Variants in PCDH15 observed in about 807,000 individuals in gnomAD.
PCDH15 encodes the protein protocadherin-15.
Under a neutral mutation model 178.5 loss-of-function variants are expected in PCDH15, and 129 were observed. The observed-to-expected ratio is 0.72, with a 90% CI of 0.63 to 0.84. PCDH15 has a LOEUF of 0.84. Among genes scored for constraint, PCDH15 ranks in the 40% least tolerant of loss-of-function variants. The pLI is 0.00. For missense variants in PCDH15, 2,230 were observed against 2,099.9 expected, an observed-to-expected ratio of 1.06 and a Z score of -1.21; for synonymous variants, 800 against 732.0, an observed-to-expected ratio of 1.09 and a Z score of -1.50.
chr10:55,540,640 A>C (rs1194672380), intron 2 of PCDH15, among the ~76,000 whole-genome samples: 4 of 152,116 alleles, frequency 2.6e-5, no homozygotes, highest in African/African-American at 9.7e-5. Flanking sequence ...GTTTCTAAGG[A>C]AATGTTATGT....
chr10:54,538,456 T>G (rs2084820441), intron 2 of PCDH15, among the ~76,000 whole-genome samples: 1 of 152,214 alleles, frequency 6.6e-6, no homozygotes, highest in South Asian at 2.1e-4. Context: ...TCTTTTCTGT[T>G]TCATTGGTCT....
chr10:54,562,868 A>G (rs190809462), intron 2 of PCDH15, among the ~76,000 whole-genome samples: 97 of 152,278 alleles, frequency 6.4e-4, no homozygotes, highest in African/African-American at 2.2e-3. Flanking sequence ...AGTTAGGTCA[A>G]TATTATACCC....
At chr10:54,167,865 G>A (rs1590914177) in intron 13 of PCDH15, among the ~76,000 whole-genome samples, 1 of 54,802 alleles carries the variant, frequency 1.8e-5, no homozygotes, top group African/African-American at 7.8e-5. Context: ...CCTTATTTCT[G>A]TGCCCCATCC....
chr10:54,309,961 T>C (rs755040122), intron 8 of PCDH15, among the ~76,000 whole-genome samples: 3 of 152,056 alleles, frequency 2.0e-5, no homozygotes, highest in Non-Finnish European at 2.9e-5. Context: ...TAGGAATAAA[T>C]GGGATCACAA....
intron 1 of PCDH15, among the ~76,000 whole-genome samples, chr10:55,215,650 C>T (rs906267039): frequency 6.6e-6 from 1 of 151,994 alleles, no homozygotes; most frequent in African/African-American, 2.4e-5. Context: ...TGTATGTATA[C>T]TACTCAATGG....
chr10:54,474,583 TAGAC>T (rs1243283727), intron 3 of PCDH15, among the ~76,000 whole-genome samples: 3 of 151,968 alleles, frequency 2.0e-5, no homozygotes, highest in Non-Finnish European at 1.5e-5. Context: ...TGCTGATAAA[TAGAC>T]AGAGATCTAA....
At chr10:54,456,556 C>A (rs912295610) in intron 3 of PCDH15, among the ~76,000 whole-genome samples, 3 of 152,122 alleles carry the variant, frequency 2.0e-5, no homozygotes, top group African/African-American at 7.2e-5. Flanking sequence ...CTTGCCTTGT[C>A]TCAGATGAGA....
intron 2 of PCDH15, among the ~76,000 whole-genome samples, chr10:54,586,057 G>T (rs1244513358): frequency 2.6e-5 from 4 of 152,044 alleles, no homozygotes; most frequent in African/African-American, 9.7e-5. Flanking sequence ...TTTCCTTTAA[G>T]ATTAATTTTC....
chr10:55,479,985 T>A (rs1012599837), intron 2 of PCDH15, among the ~76,000 whole-genome samples: 47 of 151,076 alleles, frequency 3.1e-4, no homozygotes, highest in African/African-American at 1.1e-3. Flanking sequence ...TTATTCAGGC[T>A]CTTTTTTGGT....
chr10:55,183,662 A>G (rs1839713732), intron 1 of PCDH15, among the ~76,000 whole-genome samples: 1 of 108,230 alleles, frequency 9.2e-6, no homozygotes, highest in Non-Finnish European at 1.8e-5. Context: ...GGCGGGGGTA[A>G]CAACATTAAA....
upstream of PCDH15, among the ~76,000 whole-genome samples, chr10:55,324,195 C>A (rs1843974896): frequency 6.6e-6 from 1 of 152,100 alleles, no homozygotes; most frequent in Admixed American, 6.5e-5. Flanking sequence ...TTACAAGTTA[C>A]CCAGTCCCAG....
intron 2 of PCDH15, among the ~76,000 whole-genome samples, chr10:54,533,672 A>G (rs565878205): frequency 6.6e-6 from 1 of 152,260 alleles, no homozygotes; most frequent in South Asian, 2.1e-4. Flanking sequence ...TTTTTAAGCT[A>G]TTTCCTTACA....
chr10:54,146,110 A>T (rs2043879749), intron 14 of PCDH15, among the ~76,000 whole-genome samples: 1 of 151,512 alleles, frequency 6.6e-6, no homozygotes, highest in Non-Finnish European at 1.5e-5. Context: ...GACAATTTTT[A>T]TAAAAATAAA....
chr10:54,352,397 CACCCTAGAGG>C, intron 5 of PCDH15, among the ~76,000 whole-genome samples: 1 of 152,052 alleles, frequency 6.6e-6, no homozygotes. Context: ...CAAAAAGAGC[CACCCTAGAGG>C]AAAAATTTAA....
chr10:53,865,811 C>T (rs1297696781), intron 27 of PCDH15, among the ~76,000 whole-genome samples: 2 of 152,040 alleles, frequency 1.3e-5, no homozygotes, highest in Non-Finnish European at 2.9e-5. Flanking sequence ...ATGAGAAGAA[C>T]TGCGAAAAAA....
chr10:53,943,216 C>T (rs528015089), intron 23 of PCDH15, among the ~76,000 whole-genome samples: 4 of 152,088 alleles, frequency 2.6e-5, no homozygotes, highest in African/African-American at 7.2e-5. Flanking sequence ...GGGCCGGGCG[C>T]GGTGGCTCAC....
chr10:54,377,881 T>A (rs540095852), intron 4 of PCDH15, among the ~76,000 whole-genome samples: 2 of 152,230 alleles, frequency 1.3e-5, no homozygotes, highest in South Asian at 4.1e-4. Flanking sequence ...AATTTTTTTT[T>A]AATTTTTCCA....
intron 2 of PCDH15, among the ~76,000 whole-genome samples, chr10:54,624,615 G>T (rs1218871870): frequency 1.3e-5 from 2 of 152,208 alleles, no homozygotes; most frequent in Non-Finnish European, 2.9e-5. Flanking sequence ...TGGGTCTGTG[G>T]CCCGTTAGGA....
chr10:53,851,384 C>T (rs1002331943), intron 28 of PCDH15, among the ~76,000 whole-genome samples: 4 of 151,692 alleles, frequency 2.6e-5, no homozygotes, highest in Non-Finnish European at 5.9e-5. Context: ...TCACACTGTT[C>T]ACTGATAATC....
Sources: allele counts gnomAD v4.1 joint callset (sites outside exome capture counted in the v4.1 genomes callset), GRCh38; gene constraint gnomAD v4.1.1; transcripts MANE v1.5; gene names NCBI Gene and HGNC (gene_info 2026-07-23, HGNC 2026-07-21).